LAPTM4B: variants seen among roughly 807,000 people sequenced by gnomAD.
LAPTM4B encodes lysosomal-associated transmembrane protein 4B.
In LAPTM4B, 26 loss-of-function variants were observed where a neutral mutation model predicts 28.5. The observed-to-expected ratio is 0.91, with a 90% CI of 0.67 to 1.27. The LOEUF (loss-of-function observed/expected upper bound fraction) is 1.27. Ranked by LOEUF, LAPTM4B falls within the 50% of genes most tolerant of loss-of-function variation. LAPTM4B has a pLI of 0.00. For missense variants in LAPTM4B, 288 were observed against 285.8 expected (o/e 1.01, Z -0.06); for synonymous variants, 109 against 106.4 (o/e 1.02, Z -0.15).
intron 6 of LAPTM4B, among the ~76,000 whole-genome samples, chr8:97,849,276 T>C (rs1817480549): frequency 6.6e-6 from 1 of 152,200 alleles, no homozygotes; most frequent in African/African-American, 2.4e-5. Context: ...CATCCACACA[T>C]TGCTCATGTT....
intron 6 of LAPTM4B, among the ~76,000 whole-genome samples, chr8:97,837,551 T>C (rs1468706425): frequency 6.6e-6 from 1 of 152,212 alleles, no homozygotes; most frequent in Non-Finnish European, 1.5e-5. Flanking sequence ...GTTCTGTTTT[T>C]TTTTTCCCTT....
chr8:97,776,208 G>T (rs1234540156), intron 1 of LAPTM4B, 100 bp downstream of exon 1: 10 of 1,260,048 alleles, frequency 7.9e-6, no homozygotes, highest in Non-Finnish European at 1.0e-5. Flanking sequence ...GCGCTCATCC[G>T]CCTAAAGTTG....
At chr8:97,822,924 C>G (rs139760665) in intron 5 of LAPTM4B, among the ~76,000 whole-genome samples, 1 of 151,902 alleles carries the variant, frequency 6.6e-6, no homozygotes, top group African/African-American at 2.4e-5. Context: ...TCACTGCAAC[C>G]TCTGCTTCCC....
chr8:97,850,234 T>C (rs1174797787), intron 6 of LAPTM4B, among the ~76,000 whole-genome samples: 2 of 152,022 alleles, frequency 1.3e-5, no homozygotes, highest in East Asian at 3.8e-4. Context: ...TTCTGTGTTC[T>C]GACTGGACCC....
At chr8:97,837,699 C>T (rs7014909) in intron 6 of LAPTM4B, among the ~76,000 whole-genome samples, 59,687 of 151,964 alleles carry the variant, frequency 0.39, 12,326 homozygotes, top group Non-Finnish European at 0.46. Flanking sequence ...CAGCTCACAA[C>T]GAAACAGTTT....
intron 5 of LAPTM4B, among the ~76,000 whole-genome samples, chr8:97,823,698 G>GTTT (rs752570648): frequency 1.0e-5 from 1 of 96,408 alleles, no homozygotes; most frequent in Non-Finnish European, 2.1e-5. Flanking sequence ...TATTTATTTA[G>GTTT]TTTTTTTTTT....
intron 1 of LAPTM4B, among the ~76,000 whole-genome samples, chr8:97,794,618 AG>A (rs1278040937): frequency 1.3e-5 from 2 of 152,206 alleles, no homozygotes; most frequent in African/African-American, 4.8e-5. Context: ...ACAGGACCAT[AG>A]TGAGAGTCTG....
At chr8:97,835,490 C>G (rs1817245431) in intron 6 of LAPTM4B, among the ~76,000 whole-genome samples, 1 of 152,184 alleles carries the variant, frequency 6.6e-6, no homozygotes, top group Admixed American at 6.5e-5. Flanking sequence ...AAACTCTGTT[C>G]ATAATGCTTT....
chr8:97,844,335 G>A (rs58092291), intron 6 of LAPTM4B, among the ~76,000 whole-genome samples: 5,597 of 152,122 alleles, frequency 0.037, 307 homozygotes, highest in African/African-American at 0.13. Flanking sequence ...GGGCTTAAAC[G>A]ATCTGCCTGC....
intron 1 of LAPTM4B, among the ~76,000 whole-genome samples, chr8:97,776,561 T>G (rs1182333178): frequency 6.6e-6 from 1 of 152,122 alleles, no homozygotes; most frequent in African/African-American, 2.4e-5. Flanking sequence ...GTGGTTAGGG[T>G]TGCGGATTTG....
chr8:97,811,340 A>C (rs376813206), intron 2 of LAPTM4B, among the ~76,000 whole-genome samples: 1 of 152,322 alleles, frequency 6.6e-6, no homozygotes, highest in East Asian at 1.9e-4. Flanking sequence ...CATGTATAAA[A>C]ATGGTCATAG....
At chr8:97,819,009 T>G in intron 4 of LAPTM4B, 131 bp from the exon 5 acceptor site, 1 of 619,558 alleles carries the variant, frequency 1.6e-6, no homozygotes, top group Non-Finnish European at 2.8e-6. Flanking sequence ...CTAGAAATTT[T>G]GTATTGGTTC....
chr8:97,840,795 G>A (rs1425659018), intron 6 of LAPTM4B, among the ~76,000 whole-genome samples: 1 of 144,204 alleles, frequency 6.9e-6, no homozygotes, highest in Admixed American at 6.7e-5. Flanking sequence ...CAGACGGTGG[G>A]GCGGCCGGGC....
At chr8:97,795,067 G>C (rs1816561478) in intron 1 of LAPTM4B, among the ~76,000 whole-genome samples, 1 of 152,210 alleles carries the variant, frequency 6.6e-6, no homozygotes. Context: ...AATTAGCCAA[G>C]TATCAGAAAA....
intron 2 of LAPTM4B, among the ~76,000 whole-genome samples, 178 bp from the exon 3 acceptor site, chr8:97,815,150 T>G (rs1274732714): frequency 1.3e-5 from 2 of 152,156 alleles, no homozygotes; most frequent in Non-Finnish European, 2.9e-5. Context: ...GAACAAACAT[T>G]AAAAAAATCT....
chr8:97,837,117 A>G (rs1479982806), intron 6 of LAPTM4B, among the ~76,000 whole-genome samples: 1 of 151,598 alleles, frequency 6.6e-6, no homozygotes, highest in Non-Finnish European at 1.5e-5. Flanking sequence ...GGGGAATGGG[A>G]GTGGAGTCAG....
chr8:97,830,356 GGA>G (rs1817164084), intron 6 of LAPTM4B, among the ~76,000 whole-genome samples: 1 of 152,120 alleles, frequency 6.6e-6, no homozygotes, highest in Non-Finnish European at 1.5e-5. Flanking sequence ...ATCCACTCTA[GGA>G]GAGAGTTAAG....
chr8:97,778,817 C>A (rs976432125), intron 1 of LAPTM4B, among the ~76,000 whole-genome samples: 8 of 152,078 alleles, frequency 5.3e-5, no homozygotes, highest in African/African-American at 1.9e-4. Context: ...TGAGCACTAG[C>A]CGTCTCTGGG....
At chr8:97,798,596 G>A (rs949524561) in intron 1 of LAPTM4B, among the ~76,000 whole-genome samples, 4 of 151,920 alleles carry the variant, frequency 2.6e-5, no homozygotes, top group African/African-American at 9.7e-5. Flanking sequence ...AGGTAGAGTG[G>A]GTGATAATAG....
Sources: gnomAD v4.1 joint callset for allele counts (sites outside exome capture counted in the v4.1 genomes callset) on GRCh38, gnomAD v4.1.1 for gene constraint, MANE v1.5 for transcripts, NCBI Gene and HGNC (gene_info 2026-07-23, HGNC 2026-07-21) for gene names.